The following SLC36A1 variants were observed in gnomAD, a reference collection of about 807,000 sequenced individuals.
The protein encoded by SLC36A1 is proton-coupled amino acid transporter 1.
Under a neutral mutation model 47.5 loss-of-function variants are expected in SLC36A1, and 30 were observed. The ratio of observed to expected loss-of-function variants is 0.63; its 90% CI spans 0.47 to 0.86. The LOEUF (loss-of-function observed/expected upper bound fraction) is 0.86, where lower values mean the gene tolerates loss of function less well. SLC36A1 is among the 40% of genes least tolerant of loss of function. The pLI, the probability that SLC36A1 is intolerant of heterozygous loss-of-function variation, is 0.00. For missense variants in SLC36A1, 517 were observed against 606.0 expected, an observed-to-expected ratio of 0.85 and a Z score of 1.54; for synonymous variants, 255 against 249.7, an observed-to-expected ratio of 1.02 and a Z score of -0.20.
At chr5:151,470,252 T>A (rs2092720041) in intron 7 of SLC36A1, among the ~76,000 whole-genome samples, 1 of 152,136 alleles carries the variant, frequency 6.6e-6, no homozygotes, top group Admixed American at 6.5e-5. Flanking sequence ...TAAAGATGAA[T>A]TGAGTGAGGC....
the SLC36A1 span, chr5:151,528,083 G>T: frequency 6.2e-7 from 1 of 1,614,196 alleles, no homozygotes. Context: ...CTCCTATGAG[G>T]CTATAGGTAA....
the SLC36A1 span, among the ~76,000 whole-genome samples, chr5:151,396,276 C>A: frequency 5.5e-4 from 84 of 151,612 alleles, no homozygotes; most frequent in Non-Finnish European, 1.1e-3. Context: ...CCATGCCCGA[C>A]TAATTTAGTA....
intron 1 of SLC36A1, among the ~76,000 whole-genome samples, chr5:151,438,252 T>A (rs547432949): frequency 1.3e-5 from 2 of 152,234 alleles, no homozygotes; most frequent in Non-Finnish European, 2.9e-5. Flanking sequence ...ACAGCCTTTT[T>A]ATTCTTAAAA....
the SLC36A1 span, chr5:151,509,855 TG>T: frequency 1.4e-6 from 1 of 719,594 alleles, no homozygotes; most frequent in Non-Finnish European, 2.3e-6. Context: ...AACCGGTCCC[TG>T]GTGCCAAAAA....
At chr5:151,486,704 G>A (rs982445613) in intron 10 of SLC36A1, among the ~76,000 whole-genome samples, 42 of 152,170 alleles carry the variant, frequency 2.8e-4, no homozygotes, top group East Asian at 1.9e-4. Flanking sequence ...TAACCCTCTC[G>A]TAGGAATCAA....
At chr5:151,554,921 C>T in the SLC36A1 span, among the ~76,000 whole-genome samples, 2 of 152,252 alleles carry the variant, frequency 1.3e-5, no homozygotes, top group African/African-American at 2.4e-5. Context: ...AAAGCTGGTG[C>T]TGTTTATGTG....
the SLC36A1 span, among the ~76,000 whole-genome samples, chr5:151,389,388 C>T: frequency 6.6e-6 from 1 of 151,484 alleles, no homozygotes; most frequent in Non-Finnish European, 1.5e-5. Flanking sequence ...AATTAATCCT[C>T]CTTTTGAGTT....
the SLC36A1 span, among the ~76,000 whole-genome samples, chr5:151,546,583 A>T: frequency 6.6e-6 from 1 of 152,182 alleles, no homozygotes. Context: ...TTAAGCTACA[A>T]ACCAAAGCTA....
the SLC36A1 span, among the ~76,000 whole-genome samples, chr5:151,391,135 G>C: frequency 6.6e-6 from 1 of 152,114 alleles, no homozygotes; most frequent in Admixed American, 6.5e-5. Context: ...TCCCTTGTAA[G>C]TTGGATTCCT....
chr5:151,381,234 T>A, the SLC36A1 span: 3 of 311,174 alleles, frequency 9.6e-6, no homozygotes, highest in Non-Finnish European at 1.9e-5. Flanking sequence ...ATGAGCCTCA[T>A]CATGGCTCCT....
chr5:151,519,260 C>T, the SLC36A1 span, among the ~76,000 whole-genome samples: 3 of 152,210 alleles, frequency 2.0e-5, no homozygotes, highest in Non-Finnish European at 4.4e-5. Flanking sequence ...AGCAGACTTG[C>T]TTGAACCTGG....
chr5:151,383,467 A>AT, the SLC36A1 span, among the ~76,000 whole-genome samples: 2 of 152,138 alleles, frequency 1.3e-5, no homozygotes, highest in African/African-American at 4.8e-5. Flanking sequence ...AGATGGGCAA[A>AT]ATATATCACT....
the SLC36A1 span, chr5:151,546,389 G>C: frequency 7.1e-7 from 1 of 1,409,794 alleles, no homozygotes; most frequent in Non-Finnish European, 9.8e-7. Context: ...ACAGGTATCA[G>C]CTAGGCTTTC....
At chr5:151,524,823 C>G in the SLC36A1 span, among the ~76,000 whole-genome samples, 1 of 152,212 alleles carries the variant, frequency 6.6e-6, no homozygotes, top group Non-Finnish European at 1.5e-5. Context: ...GACTCTCCTG[C>G]CCACTTTTCA....
the SLC36A1 span, among the ~76,000 whole-genome samples, chr5:151,405,680 T>C: frequency 6.6e-6 from 1 of 152,212 alleles, no homozygotes; most frequent in African/African-American, 2.4e-5. Context: ...CCTTCTCATC[T>C]TAGGGGGCTG....
chr5:151,522,109 TGTCACCCAACAGAACTGCA>T, the SLC36A1 span: 2 of 1,538,482 alleles, frequency 1.3e-6, no homozygotes, highest in Non-Finnish European at 1.8e-6. Context: ...CAAACACTGC[TGTCACCCAACAGAACTGCA>T]GTGCTCTTGC....
chr5:151,494,321 A>T (rs1350985323), downstream of SLC36A1, among the ~76,000 whole-genome samples: 1 of 152,166 alleles, frequency 6.6e-6, no homozygotes, highest in African/African-American at 2.4e-5. Context: ...ATTTACATGT[A>T]ATTAAATTTA....
At chr5:151,469,778 A>C (rs562451044) in intron 7 of SLC36A1, among the ~76,000 whole-genome samples, 1 of 151,184 alleles carries the variant, frequency 6.6e-6, no homozygotes, top group African/African-American at 2.4e-5. Flanking sequence ...TATTCTTGAT[A>C]TATGTATGAT....
chr5:151,544,329 A>G, the SLC36A1 span: 4 of 1,614,104 alleles, frequency 2.5e-6, no homozygotes, highest in African/African-American at 2.7e-5. Context: ...GAGGGTTATC[A>G]TTGACATCCT....
Sources: gnomAD v4.1 joint callset for allele counts (sites outside exome capture counted in the v4.1 genomes callset) on GRCh38, gnomAD v4.1.1 for gene constraint, MANE v1.5 for transcripts, NCBI Gene and HGNC (gene_info 2026-07-23, HGNC 2026-07-21) for gene names.